The following CSMD1 variants were observed in gnomAD, a reference collection of about 807,000 sequenced individuals.
CSMD1 encodes CUB and sushi domain-containing protein 1.
A neutral mutation model predicts 417.5 loss-of-function variants in CSMD1; 213 were observed. The observed-to-expected ratio is 0.51, with a 90% CI of 0.46 to 0.57. CSMD1 has a LOEUF of 0.57. Ranked by LOEUF, CSMD1 falls within the 20% of genes least tolerant of loss-of-function variation. The pLI, the probability that CSMD1 is intolerant of heterozygous loss-of-function variation, is 0.00. For missense variants in CSMD1, 6,923 were observed against 4,529.7 expected (o/e 1.53, Z -15.17); for synonymous variants, 2,862 against 1,736.8 (o/e 1.65, Z -16.11).
intron 3 of CSMD1, among the ~76,000 whole-genome samples, chr8:4,283,501 CCAATCATTTTATAGAACTAAGGA>C (rs1563386065): frequency 1.3e-5 from 2 of 152,122 alleles, no homozygotes; most frequent in African/African-American, 2.4e-5. Context: ...TTGCTTTTGT[CCAATCATTTTATAGAACTAAGGA>C]CAATCATTTT....
chr8:3,573,502 A>C (rs1800025732), intron 10 of CSMD1, among the ~76,000 whole-genome samples: 1 of 152,180 alleles, frequency 6.6e-6, no homozygotes, highest in South Asian at 2.1e-4. Flanking sequence ...GTGTTTCAGA[A>C]AGCCTGCAAC....
rs543127834 is a variant in CSMD1, at chr8:3,536,841, G to T, written c.1344+38104C>A. On this transcript the variant is annotated intron_variant, in intron 10 of 69. Coordinates refer to ENST00000635120, the MANE Select transcript of CSMD1 (RefSeq NM_033225.6). ...GCCATCCTTGGGTGTTCGGTCCCAC[G>T]GTCCGTGTTCTGTGGCTCAGATAAG... Among the ~76,000 whole-genome samples, 168 of 152,234 alleles carry T rather than the reference G, an allele frequency of 1.1e-3. 1 individual carries two copies. Among genetic ancestry groups the T allele is most frequent in the African/African-American group, 3.9e-3 (162 of 41,524 alleles).
chr8:4,503,489 A>G (rs1195234416), intron 2 of CSMD1, among the ~76,000 whole-genome samples: 2 of 152,176 alleles, frequency 1.3e-5, no homozygotes, highest in Non-Finnish European at 2.9e-5. Context: ...ACATATTATT[A>G]TATTCTTAGA....
At chr8:4,914,860 C>T (rs532711700) in intron 1 of CSMD1, among the ~76,000 whole-genome samples, 1 of 152,218 alleles carries the variant, frequency 6.6e-6, no homozygotes, top group East Asian at 1.9e-4. Flanking sequence ...GCTATTTCAC[C>T]TTCACCTCCT....
chr8:3,744,847 G>C (rs1366075552), intron 6 of CSMD1, among the ~76,000 whole-genome samples: 2 of 152,170 alleles, frequency 1.3e-5, no homozygotes, highest in East Asian at 3.9e-4. Context: ...CATTAAGTCT[G>C]ATAAATGCTC....
At chr8:3,811,197 T>C (rs1189945539) in intron 5 of CSMD1, among the ~76,000 whole-genome samples, 1 of 152,192 alleles carries the variant, frequency 6.6e-6, no homozygotes, top group Non-Finnish European at 1.5e-5. Flanking sequence ...ATTCGAATTA[T>C]TTTTTAAGGG....
chr8:3,191,186 G>A (rs971762413), intron 33 of CSMD1, among the ~76,000 whole-genome samples: 1 of 152,200 alleles, frequency 6.6e-6, no homozygotes, highest in Admixed American at 6.5e-5. Flanking sequence ...CGGGTGCAGT[G>A]GCGCAAGCCT....
intron 3 of CSMD1, among the ~76,000 whole-genome samples, chr8:4,270,555 C>A (rs897799849): frequency 1.2e-4 from 18 of 152,100 alleles, no homozygotes; most frequent in African/African-American, 4.3e-4. Context: ...CAGCTTGAAC[C>A]CCATTATGTT....
chr8:3,989,518 G>C (rs2554563), intron 5 of CSMD1, among the ~76,000 whole-genome samples: 3,333 of 152,104 alleles, frequency 0.022, 234 homozygotes, highest in Admixed American at 0.13. Context: ...TACTCCACAG[G>C]GTAGGATAAA....
chr8:3,467,208 T>G (rs1001830456), intron 12 of CSMD1, among the ~76,000 whole-genome samples: 2 of 152,214 alleles, frequency 1.3e-5, no homozygotes, highest in African/African-American at 4.8e-5. Flanking sequence ...CTCTTCATAG[T>G]CAAGGATGCA....
Position 3,205,125 on chromosome 8 carries a change from G to A in CSMD1, c.4984+379C>T, listed in dbSNP as rs78543911. 2.3e-3 allele frequency among the ~76,000 whole-genome samples: 356 copies of A among 152,306 alleles called. 2 individuals carry two copies. Among genetic ancestry groups the A allele is most frequent in the African/African-American group, 8.2e-3 (342 of 41,570 alleles). On this transcript the variant is annotated intron_variant, in intron 31 of 69. Coordinates refer to ENST00000635120, the MANE Select transcript of CSMD1 (RefSeq NM_033225.6). The stretch of plus-strand genomic sequence containing the variant: ...GATCTGGTTACTGAGTTCACTGAAT[G>A]TATGTGCCATTCATGCACAGACATA...
At chr8:4,162,322 T>C (rs1753463777) in intron 3 of CSMD1, among the ~76,000 whole-genome samples, 1 of 152,210 alleles carries the variant, frequency 6.6e-6, no homozygotes, top group Non-Finnish European at 1.5e-5. Context: ...AATGGATTTA[T>C]GTTACTACAA....
intron 5 of CSMD1, among the ~76,000 whole-genome samples, chr8:3,786,228 C>T (rs1482078227): frequency 6.6e-6 from 1 of 152,004 alleles, no homozygotes; most frequent in Non-Finnish European, 1.5e-5. Context: ...ATCAAGGTGT[C>T]GCTAAGACAT....
chr8:3,938,697 C>A (rs535885199), intron 5 of CSMD1, among the ~76,000 whole-genome samples: 1 of 152,162 alleles, frequency 6.6e-6, no homozygotes, highest in Non-Finnish European at 1.5e-5. Flanking sequence ...GGAGTTGACT[C>A]TACAACAATT....
chr8:4,180,927 A>G (rs1329477093), intron 3 of CSMD1, among the ~76,000 whole-genome samples: 1 of 152,174 alleles, frequency 6.6e-6, no homozygotes, highest in Non-Finnish European at 1.5e-5. Context: ...CAAGGTGCCA[A>G]AATTGCCCCA....
intron 25 of CSMD1, among the ~76,000 whole-genome samples, chr8:3,300,974 A>AG (rs1413022644): frequency 0.013 from 1,869 of 149,464 alleles, 42 homozygotes; most frequent in African/African-American, 0.043. Flanking sequence ...AAAAAAAAAA[A>AG]AAAAAAAGAG....
chr8:4,024,549 T>G (rs1042994977), intron 4 of CSMD1, among the ~76,000 whole-genome samples: 1 of 152,202 alleles, frequency 6.6e-6, no homozygotes, highest in Non-Finnish European at 1.5e-5. Context: ...CAAGTCAATT[T>G]GAGACTTTAG....
chr8:3,561,798 AAG>A (rs1415530284), intron 10 of CSMD1, among the ~76,000 whole-genome samples: 1 of 148,988 alleles, frequency 6.7e-6, no homozygotes, highest in Non-Finnish European at 1.5e-5. Flanking sequence ...AAAACAGAAA[AAG>A]AAAAAAAAGT....
At chr8:3,522,452 G>T (rs946577947) in intron 10 of CSMD1, among the ~76,000 whole-genome samples, 1 of 152,170 alleles carries the variant, frequency 6.6e-6, no homozygotes, top group Admixed American at 6.5e-5. Flanking sequence ...CAGGCAAAGA[G>T]ACAGCTGCAT....
Sources: allele counts gnomAD v4.1 joint callset (sites outside exome capture counted in the v4.1 genomes callset), GRCh38; gene constraint gnomAD v4.1.1; transcripts MANE v1.5; gene names NCBI Gene and HGNC (gene_info 2026-07-23, HGNC 2026-07-21).